The following PHACTR1 variants were observed in gnomAD, a reference collection of about 807,000 sequenced individuals.
PHACTR1 encodes the protein RPEL repeat containing 1.
A neutral mutation model predicts 69.2 loss-of-function variants in PHACTR1; 16 were observed. That is an observed-to-expected ratio of 0.23 (90% confidence interval 0.16 to 0.35). The LOEUF is 0.35. PHACTR1 is among the 10% of genes least tolerant of loss of function. The pLI is 1.00. For synonymous variants in PHACTR1, 312 were observed against 284.5 expected (o/e 1.10, Z -0.97); for missense variants, 510 against 734.7 (o/e 0.69, Z 3.54).
chr6:13,118,471 ATTTTTTTTT>A (rs140486749), intron 5 of PHACTR1, among the ~76,000 whole-genome samples: 1 of 72,814 alleles, frequency 1.4e-5, no homozygotes, highest in Non-Finnish European at 2.6e-5. Context: ...AACCAGGGCC[ATTTTTTTTT>A]TTTTTTTTTT....
At chr6:13,084,957 T>C (rs1812029692) in intron 5 of PHACTR1, among the ~76,000 whole-genome samples, 1 of 152,084 alleles carries the variant, frequency 6.6e-6, no homozygotes, top group Non-Finnish European at 1.5e-5. Context: ...CTAAGAAAAT[T>C]ATGGCAATTA....
At chr6:12,925,692 T>G (rs1788200204) in intron 4 of PHACTR1, among the ~76,000 whole-genome samples, 1 of 152,178 alleles carries the variant, frequency 6.6e-6, no homozygotes, top group Non-Finnish European at 1.5e-5. Flanking sequence ...TTAAAAATAG[T>G]TTCCCATCTT....
chr6:12,799,032 G>A (rs1011907055), intron 4 of PHACTR1, among the ~76,000 whole-genome samples: 3 of 151,360 alleles, frequency 2.0e-5, no homozygotes, highest in Non-Finnish European at 4.4e-5. Flanking sequence ...GCAAATGAAA[G>A]CATTTCACTG....
chr6:13,146,769 C>T (rs760776806), intron 5 of PHACTR1, among the ~76,000 whole-genome samples: 1 of 152,174 alleles, frequency 6.6e-6, no homozygotes, highest in Non-Finnish European at 1.5e-5. Flanking sequence ...AAATACAGTA[C>T]ACCATTATAC....
Position 12,989,391 on chromosome 6 carries a change from T to C in PHACTR1, c.251-63974T>C, listed in dbSNP as rs979099538. The stretch of plus-strand genomic sequence containing the variant: ...GGGTAGAATGAATAACTTTGGGTAG[T>C]CAAGAAAGTTATCATCAGGAGGTGC... On this transcript the variant is annotated intron_variant, in intron 4 of 14. Transcript: ENST00000332995. Among the ~76,000 whole-genome samples the C allele has an allele frequency of 2.6e-5, 4 of 152,134 alleles. No individual in the cohort carries two copies. In the East Asian group the frequency reaches 7.7e-4, roughly 29 times the overall value.
chr6:12,925,523 G>C (rs1283728666), intron 4 of PHACTR1, among the ~76,000 whole-genome samples: 2 of 152,172 alleles, frequency 1.3e-5, no homozygotes, highest in Non-Finnish European at 2.9e-5. Flanking sequence ...GATTATATTA[G>C]ATGATGTGCA....
In PHACTR1 at chr6:12,845,427, C is replaced by G. The variant is rs55912254; in HGVS notation, c.250+95637C>G. On this transcript the variant is annotated intron_variant, in intron 4 of 14. Coordinates refer to ENST00000332995, the MANE Select transcript of PHACTR1 (RefSeq NM_030948.6). Reference sequence around the variant, plus strand: ...GCCAAGATGTCATTGTGAACACCACCCACCCCCCCCCCCCCCGCCCTCCGT... The same window carrying G: ...GCCAAGATGTCATTGTGAACACCACGCACCCCCCCCCCCCCCGCCCTCCGT... Among the ~76,000 whole-genome samples the G allele has an allele frequency of 9.6e-4, 28 of 29,132 alleles. 1 individual carries two copies. The highest frequency in any genetic ancestry group is 5.1e-3 in the South Asian group (2 of 396). The allele number at this position is 29,132 out of a possible 152,430, so 19.1% of individuals were successfully genotyped here. A position where few individuals can be genotyped will look rare whatever the true frequency, so the allele number is the denominator to read the frequency against.
At chr6:12,952,509 G>A (rs1320325591) in intron 4 of PHACTR1, among the ~76,000 whole-genome samples, 2 of 152,162 alleles carry the variant, frequency 1.3e-5, no homozygotes, top group Non-Finnish European at 2.9e-5. Flanking sequence ...CTTTTCCATG[G>A]AGGCATTAAG....
At chr6:12,848,149 A>G (rs146429895) in intron 4 of PHACTR1, among the ~76,000 whole-genome samples, 9 of 152,316 alleles carry the variant, frequency 5.9e-5, no homozygotes, top group African/African-American at 2.2e-4. Context: ...ATCCATAACT[A>G]GGCTAGATCA....
At chr6:13,268,307 G>A (rs557447548) in intron 10 of PHACTR1, among the ~76,000 whole-genome samples, 13 of 152,298 alleles carry the variant, frequency 8.5e-5, no homozygotes, top group African/African-American at 3.1e-4. Flanking sequence ...ATGCCAAAGA[G>A]AACTGATAGA....
At chr6:13,221,414 T>C (rs1768599017) in intron 8 of PHACTR1, among the ~76,000 whole-genome samples, 1 of 122,980 alleles carries the variant, frequency 8.1e-6, no homozygotes, top group Admixed American at 1.2e-4. Flanking sequence ...GACAGCAGAA[T>C]AGAGGGTGGA....
At chr6:13,134,254 G>C (rs913744897) in intron 5 of PHACTR1, among the ~76,000 whole-genome samples, 2 of 151,748 alleles carry the variant, frequency 1.3e-5, no homozygotes, top group Non-Finnish European at 2.9e-5. Context: ...AGGGAGGTGG[G>C]GGGCGCCTCT....
intron 4 of PHACTR1, among the ~76,000 whole-genome samples, chr6:13,029,496 G>T (rs1394820013): frequency 6.6e-6 from 1 of 152,076 alleles, no homozygotes; most frequent in African/African-American, 2.4e-5. Flanking sequence ...GAATTTAATG[G>T]GCTTCACTCA....
chr6:12,830,129 GAAA>G, intron 4 of PHACTR1, among the ~76,000 whole-genome samples: 2 of 136,678 alleles, frequency 1.5e-5, no homozygotes, highest in African/African-American at 5.5e-5. Context: ...AAGAAAGAAA[GAAA>G]GAAAGAAAGA....
rs944486611 is a variant in PHACTR1 at position 12,776,829 on chromosome 6, T to C, written c.250+27039T>C. 3.9e-5 allele frequency among the ~76,000 whole-genome samples: 6 copies of C among 152,360 alleles called. No homozygotes were observed. The South Asian group carries it at 6.2e-4, about 16-fold the overall frequency. On this transcript the variant is annotated intron_variant, in intron 4 of 14. Transcript: ENST00000332995. Reference sequence around the variant, plus strand: ...ATTGAGGAAATAAGATGTTCAATGATAGAATAACATGGAAGAGTCTTAAAT... The same window carrying C: ...ATTGAGGAAATAAGATGTTCAATGACAGAATAACATGGAAGAGTCTTAAAT...
intron 10 of PHACTR1, among the ~76,000 whole-genome samples, chr6:13,237,065 A>G (rs369060101): frequency 7.2e-5 from 11 of 152,344 alleles, no homozygotes; most frequent in African/African-American, 2.6e-4. Flanking sequence ...GATTTTTAAA[A>G]TGACAATTTC....
chr6:13,230,376 ACC>A (rs1398426006), intron 10 of PHACTR1, 183 bp downstream of exon 10: 4 of 1,373,440 alleles, frequency 2.9e-6, no homozygotes, highest in Non-Finnish European at 3.8e-6. Flanking sequence ...ACATGGTGAA[ACC>A]CCATCTCTAC....
intron 5 of PHACTR1, among the ~76,000 whole-genome samples, chr6:13,132,949 T>G (rs1329810282): frequency 6.6e-6 from 1 of 152,158 alleles, no homozygotes; most frequent in Non-Finnish European, 1.5e-5. Flanking sequence ...GTGATGCTGT[T>G]TGATAGCATT....
At chr6:13,063,647 G>A (rs1446772374) in intron 5 of PHACTR1, among the ~76,000 whole-genome samples, 1 of 152,044 alleles carries the variant, frequency 6.6e-6, no homozygotes, top group Non-Finnish European at 1.5e-5. Flanking sequence ...GAGTGTGATG[G>A]CGCATGCCTG....
Sources: allele counts gnomAD v4.1 joint callset (sites outside exome capture counted in the v4.1 genomes callset), GRCh38; gene constraint gnomAD v4.1.1; transcripts MANE v1.5; gene names NCBI Gene and HGNC (gene_info 2026-07-23, HGNC 2026-07-21).